RAP1A: variants seen among roughly 807,000 people sequenced by gnomAD.
RAP1A encodes the protein RAP1A, member of RAS oncogene family.
In RAP1A, 6 loss-of-function variants were observed where a neutral mutation model predicts 26.4. The ratio of observed to expected loss-of-function variants is 0.23; its 90% confidence interval spans 0.12 to 0.45. The LOEUF (loss-of-function observed/expected upper bound fraction) is 0.45. Ranked by LOEUF, RAP1A falls within the 20% of genes least tolerant of loss-of-function variation. The probability of loss-of-function intolerance (pLI) is 0.99; values close to 1 mark genes in which losing one functional copy is unlikely to be tolerated. For synonymous variants in RAP1A, 73 were observed against 79.4 expected, an observed-to-expected ratio of 0.92 and a Z score of 0.43; for missense variants, 121 against 217.2, an observed-to-expected ratio of 0.56 and a Z score of 2.78.
At chr1:111,565,218 G>T (rs1444686637) in intron 1 of RAP1A, among the ~76,000 whole-genome samples, 1 of 152,184 alleles carries the variant, frequency 6.6e-6, no homozygotes, top group Non-Finnish European at 1.5e-5. Flanking sequence ...CAAAGGGGGG[G>T]AGTGTGGTAG....
intron 1 of RAP1A, among the ~76,000 whole-genome samples, chr1:111,610,564 ACACACACACAC>A (rs1341779780): frequency 1.3e-5 from 2 of 151,108 alleles, no homozygotes; most frequent in African/African-American, 4.9e-5. Context: ...ACACACACAC[ACACACACACAC>A]ACACACCCAA....
intron 1 of RAP1A, among the ~76,000 whole-genome samples, chr1:111,659,050 C>T (rs1285604761): frequency 2.0e-5 from 3 of 152,104 alleles, no homozygotes; most frequent in Non-Finnish European, 2.9e-5. Flanking sequence ...AATAATATAG[C>T]TACTGTTAAC....
intron 1 of RAP1A, among the ~76,000 whole-genome samples, chr1:111,631,809 GAA>G (rs1326456647): frequency 2.0e-5 from 3 of 151,794 alleles, no homozygotes; most frequent in African/African-American, 7.3e-5. Context: ...ATCATACGGT[GAA>G]AATCCTGAGG....
intron 1 of RAP1A, among the ~76,000 whole-genome samples, chr1:111,546,166 G>A (rs946757038): frequency 6.6e-6 from 1 of 152,130 alleles, no homozygotes; most frequent in Admixed American, 6.5e-5. Context: ...CAAGGAGGCA[G>A]TTTGAATTTT....
chr1:111,704,882 A>T (rs947390733), intron 6 of RAP1A, among the ~76,000 whole-genome samples: 1 of 152,190 alleles, frequency 6.6e-6, no homozygotes, highest in African/African-American at 2.4e-5. Flanking sequence ...ATATCACAGA[A>T]TTGTGTTCTG....
chr1:111,599,809 AGT>A (rs1658635713), intron 1 of RAP1A: 1 of 151,814 alleles, frequency 6.6e-6, no homozygotes, highest in African/African-American at 2.4e-5. Flanking sequence ...TGTAATCCCC[AGT>A]GTTGGAGGTG....
chr1:111,677,083 C>T (rs946321742), intron 1 of RAP1A, among the ~76,000 whole-genome samples: 8 of 152,268 alleles, frequency 5.3e-5, no homozygotes, highest in African/African-American at 1.7e-4. Flanking sequence ...CATGAGCCAC[C>T]GTGCCCGGCC....
At chr1:111,617,655 C>G (rs915986875), upstream of RAP1A, among the ~76,000 whole-genome samples, 1 of 151,374 alleles carries the variant, frequency 6.6e-6, no homozygotes, top group Non-Finnish European at 1.5e-5. Context: ...AGGATGGTCT[C>G]GATCTCCTGA....
chr1:111,594,145 T>C (rs1287885876), intron 1 of RAP1A, among the ~76,000 whole-genome samples: 1 of 152,166 alleles, frequency 6.6e-6, no homozygotes, highest in East Asian at 1.9e-4. Flanking sequence ...CTATCCCGCA[T>C]AAGTATAAAA....
At chr1:111,553,125 T>C (rs1041750186) in intron 1 of RAP1A, among the ~76,000 whole-genome samples, 9 of 152,210 alleles carry the variant, frequency 5.9e-5, no homozygotes, top group Admixed American at 3.9e-4. Flanking sequence ...TTTCTTCCCA[T>C]CTTGTAAGCA....
chr1:111,669,046 AAAG>A (rs1224332561), intron 1 of RAP1A, among the ~76,000 whole-genome samples: 10 of 149,260 alleles, frequency 6.7e-5, no homozygotes, highest in Middle Eastern at 3.4e-3. Context: ...AAAAAAAAAA[AAAG>A]AAAGAAAAGA....
rs1475758396 is a variant in RAP1A, at chr1:111,672,986, A to G, written c.-27-18348A>G. ...GGTCTGGTGTTCTTTCTACATTCCC[A>G]TCAGATAGCTGGTGAAACCTTTGGG... On this transcript the variant is annotated intron_variant, in intron 1 of 7. Transcript: ENST00000369709. Among the ~76,000 whole-genome samples, 6 of 152,144 alleles carry G rather than the reference A, an allele frequency of 3.9e-5. No homozygotes were observed. The East Asian group carries it at 9.6e-4, about 24-fold the overall frequency.
At chr1:111,561,668 A>C (rs1248978117) in intron 1 of RAP1A, among the ~76,000 whole-genome samples, 6 of 152,290 alleles carry the variant, frequency 3.9e-5, no homozygotes, top group African/African-American at 1.4e-4. Flanking sequence ...TCACTACTAT[A>C]GAATTTTTTG....
chr1:111,571,492 T>G (rs758168412), intron 1 of RAP1A, among the ~76,000 whole-genome samples: 1 of 152,206 alleles, frequency 6.6e-6, no homozygotes, highest in Admixed American at 6.5e-5. Flanking sequence ...TAAATCCAGA[T>G]GTGGTTAAAG....
intron 2 of RAP1A, among the ~76,000 whole-genome samples, chr1:111,692,764 G>A (rs988547227): frequency 2.0e-5 from 3 of 149,502 alleles, no homozygotes; most frequent in Non-Finnish European, 4.4e-5. Flanking sequence ...ACTATAATTT[G>A]TGTTTTATAT....
At chr1:111,649,948 A>G (rs34400153) in intron 1 of RAP1A, among the ~76,000 whole-genome samples, 19,140 of 152,092 alleles carry the variant, frequency 0.13, 1,748 homozygotes, top group African/African-American at 0.27. Flanking sequence ...CATTGATGTC[A>G]TTAGGATTAT....
intron 1 of RAP1A, among the ~76,000 whole-genome samples, chr1:111,688,808 GT>G (rs753016302): frequency 4.1e-4 from 51 of 124,196 alleles, no homozygotes; most frequent in Non-Finnish European, 5.1e-4. Flanking sequence ...TTTTGTTTTT[GT>G]TTTTTTTTTT....
At chr1:111,579,290 A>G (rs1184638360) in intron 1 of RAP1A, among the ~76,000 whole-genome samples, 1 of 152,220 alleles carries the variant, frequency 6.6e-6, no homozygotes, top group Non-Finnish European at 1.5e-5. Flanking sequence ...TTATTAGTAT[A>G]AATGCTGGAG....
At chr1:111,543,038 A>C (rs1332073043) in intron 1 of RAP1A, among the ~76,000 whole-genome samples, 4 of 152,166 alleles carry the variant, frequency 2.6e-5, no homozygotes, top group Non-Finnish European at 4.4e-5. Context: ...CTAAAATCAA[A>C]AGTCTATTTG....
Sources: allele counts gnomAD v4.1 joint callset (sites outside exome capture counted in the v4.1 genomes callset), GRCh38; gene constraint gnomAD v4.1.1; transcripts MANE v1.5; gene names NCBI Gene and HGNC (gene_info 2026-07-23, HGNC 2026-07-21).